Variants in NLGN1 observed in about 807,000 individuals in gnomAD.
NLGN1 encodes neuroligin 1.
Under a neutral mutation model 65.5 loss-of-function variants are expected in NLGN1, and 12 were observed. That is an observed-to-expected ratio of 0.18 (90% CI 0.12 to 0.30). The LOEUF is 0.30. Among genes scored for constraint, NLGN1 ranks in the 10% least tolerant of loss-of-function variants. The pLI, the probability that NLGN1 is intolerant of heterozygous loss-of-function variation, is 1.00. For missense variants in NLGN1, 750 were observed against 1,007.1 expected (o/e 0.74, Z 3.46); for synonymous variants, 350 against 359.5 (o/e 0.97, Z 0.30).
At chr3:173,831,366 G>A (rs1046878786) in intron 4 of NLGN1, among the ~76,000 whole-genome samples, 1 of 152,172 alleles carries the variant, frequency 6.6e-6, no homozygotes, top group Non-Finnish European at 1.5e-5. Flanking sequence ...TTAAAGAAAT[G>A]TGTGTTTCAA....
chr3:173,954,143 G>GA (rs34501405), intron 4 of NLGN1, among the ~76,000 whole-genome samples: 577 of 148,432 alleles, frequency 3.9e-3, no homozygotes, highest in Non-Finnish European at 7.1e-3. Context: ...AAGAAAAAAT[G>GA]AAAAAAAAAT....
intron 3 of NLGN1, chr3:173,685,909 T>C: frequency 1.5e-6 from 1 of 662,922 alleles, no homozygotes; most frequent in Non-Finnish European, 1.9e-6. Context: ...ATTGAGAAGA[T>C]TAAAACCTGA....
chr3:174,225,668 T>C (rs1020820352), intron 4 of NLGN1, among the ~76,000 whole-genome samples: 3 of 151,980 alleles, frequency 2.0e-5, no homozygotes, highest in Admixed American at 1.3e-4. Context: ...GAGGCGGAGC[T>C]TGCAGTGAGC....
intron 1 of NLGN1, among the ~76,000 whole-genome samples, chr3:173,418,859 T>G (rs942705375): frequency 6.6e-6 from 1 of 151,934 alleles, no homozygotes; most frequent in Non-Finnish European, 1.5e-5. Flanking sequence ...TTAAGTATGA[T>G]ATAAGGATCT....
At chr3:173,955,629 G>A (rs1387652954) in intron 4 of NLGN1, among the ~76,000 whole-genome samples, 1 of 152,100 alleles carries the variant, frequency 6.6e-6, no homozygotes, top group Admixed American at 6.6e-5. Context: ...AATCAGTTTT[G>A]ACTGATAGGT....
At chr3:173,818,672 G>A (rs1158922546) in intron 4 of NLGN1, among the ~76,000 whole-genome samples, 3 of 152,006 alleles carry the variant, frequency 2.0e-5, no homozygotes, top group South Asian at 2.1e-4. Flanking sequence ...TGGAATGGAC[G>A]GGTAACCTTG....
intron 4 of NLGN1, among the ~76,000 whole-genome samples, chr3:174,051,505 C>T (rs1003827534): frequency 6.6e-6 from 1 of 152,024 alleles, no homozygotes; most frequent in Admixed American, 6.6e-5. Flanking sequence ...AGATTTCTTA[C>T]AATCAGTTTG....
intron 4 of NLGN1, among the ~76,000 whole-genome samples, chr3:174,050,133 A>C (rs2152501733): frequency 6.6e-6 from 1 of 152,274 alleles, no homozygotes; most frequent in East Asian, 1.9e-4. Context: ...TCACATCAAA[A>C]GTGATCAACA....
At chr3:174,036,327 G>A (rs538246752) in intron 4 of NLGN1, among the ~76,000 whole-genome samples, 1 of 152,092 alleles carries the variant, frequency 6.6e-6, no homozygotes, top group African/African-American at 2.4e-5. Flanking sequence ...TCTTATGGAG[G>A]TGAAACCACT....
At chr3:173,401,222 C>T (rs962092976) in intron 1 of NLGN1, among the ~76,000 whole-genome samples, 1 of 151,832 alleles carries the variant, frequency 6.6e-6, no homozygotes, top group Non-Finnish European at 1.5e-5. Context: ...GCTGGTAGTG[C>T]ACCCCACCCC....
At chr3:173,558,743 C>T (rs915388348) in intron 2 of NLGN1, among the ~76,000 whole-genome samples, 1 of 152,058 alleles carries the variant, frequency 6.6e-6, no homozygotes, top group Non-Finnish European at 1.5e-5. Flanking sequence ...GTTCTGTTAC[C>T]TGGGCCATTT....
chr3:173,473,907 A>G (rs573363423), intron 2 of NLGN1, among the ~76,000 whole-genome samples: 44 of 152,276 alleles, frequency 2.9e-4, no homozygotes, highest in African/African-American at 1.0e-3. Context: ...ACCTCTGAAA[A>G]TTAAGAATGT....
intron 3 of NLGN1, among the ~76,000 whole-genome samples, chr3:173,775,124 A>G (rs1009924624): frequency 2.6e-5 from 4 of 152,128 alleles, no homozygotes; most frequent in Non-Finnish European, 5.9e-5. Flanking sequence ...AATTAGTACA[A>G]TCAAATATGC....
chr3:173,492,975 T>C (rs1658626731), intron 2 of NLGN1, among the ~76,000 whole-genome samples: 2 of 151,728 alleles, frequency 1.3e-5, no homozygotes, highest in South Asian at 4.1e-4. Flanking sequence ...TAGCTCCAGG[T>C]CATTGTCAGT....
At chr3:173,443,188 AT>A (rs1407711831) in intron 2 of NLGN1, among the ~76,000 whole-genome samples, 4 of 151,676 alleles carry the variant, frequency 2.6e-5, no homozygotes, top group African/African-American at 4.8e-5. Flanking sequence ...GCAGTAACCT[AT>A]GATCATGTCA....
chr3:174,052,540 A>G (rs1042878196), intron 4 of NLGN1, among the ~76,000 whole-genome samples: 2 of 152,032 alleles, frequency 1.3e-5, no homozygotes, highest in Non-Finnish European at 2.9e-5. Context: ...CCATAACATT[A>G]TACTTCAATG....
intron 4 of NLGN1, among the ~76,000 whole-genome samples, chr3:174,069,839 A>C (rs1289844415): frequency 6.6e-6 from 1 of 152,200 alleles, no homozygotes; most frequent in African/African-American, 2.4e-5. Flanking sequence ...CGGAGTCAGA[A>C]AGACCAGGTT....
At chr3:174,221,069 A>G (rs1738553544) in intron 4 of NLGN1, among the ~76,000 whole-genome samples, 2 of 152,202 alleles carry the variant, frequency 1.3e-5, no homozygotes, top group Admixed American at 6.5e-5. Flanking sequence ...CTTAATCGGC[A>G]CTGCAGCACA....
At chr3:173,665,197 A>C (rs1287841109) in intron 3 of NLGN1, among the ~76,000 whole-genome samples, 1 of 151,840 alleles carries the variant, frequency 6.6e-6, no homozygotes, top group Non-Finnish European at 1.5e-5. Context: ...AGGTAATTAG[A>C]TTGTGAGTGT....
Sources: allele counts gnomAD v4.1 joint callset (sites outside exome capture counted in the v4.1 genomes callset), GRCh38; gene constraint gnomAD v4.1.1; transcripts MANE v1.5; gene names NCBI Gene and HGNC (gene_info 2026-07-23, HGNC 2026-07-21).